The following MACROD2 variants were observed in gnomAD, a reference collection of about 807,000 sequenced individuals.
The protein encoded by MACROD2 is ADP-ribose glycohydrolase MACROD2.
MACROD2 carries 36 observed loss-of-function variants against 70.4 expected under a neutral mutation model. That is an observed-to-expected ratio of 0.51 (90% confidence interval 0.39 to 0.68). MACROD2 has a LOEUF of 0.68. MACROD2 is among the 30% of genes least tolerant of loss of function. The pLI is 0.00. For missense variants in MACROD2, 496 were observed against 538.4 expected (o/e 0.92, Z 0.78); for synonymous variants, 172 against 178.8 (o/e 0.96, Z 0.30).
At chr20:15,819,452 TATAA>T (rs2063915199) in intron 8 of MACROD2, among the ~76,000 whole-genome samples, 1 of 144,888 alleles carries the variant, frequency 6.9e-6, no homozygotes, top group African/African-American at 2.5e-5. Flanking sequence ...TATAAATATA[TATAA>T]ATATATAAGT....
At chr20:15,487,214 A>T (rs2047173874) in intron 7 of MACROD2, among the ~76,000 whole-genome samples, 2 of 152,212 alleles carry the variant, frequency 1.3e-5, no homozygotes, top group Admixed American at 6.5e-5. Flanking sequence ...GATGGCAAAG[A>T]TAAGCGAAGA....
At chr20:15,441,968 G>A (rs756103255) in intron 7 of MACROD2, among the ~76,000 whole-genome samples, 22 of 152,174 alleles carry the variant, frequency 1.4e-4, no homozygotes, top group Non-Finnish European at 2.5e-4. Context: ...CTATTAAGAA[G>A]CTCCTTCTAA....
At chr20:14,694,113 G>A (rs2071093427) in intron 5 of MACROD2, among the ~76,000 whole-genome samples, 1 of 151,962 alleles carries the variant, frequency 6.6e-6, no homozygotes, top group African/African-American at 2.4e-5. Flanking sequence ...TCAGATAATG[G>A]TAAGGGCTAT....
At chr20:14,103,595 T>TA (rs2054327248) in intron 3 of MACROD2, among the ~76,000 whole-genome samples, 1 of 152,214 alleles carries the variant, frequency 6.6e-6, no homozygotes, top group Non-Finnish European at 1.5e-5. Context: ...CTAATGTTTG[T>TA]AAGTATATAT....
intron 2 of MACROD2, among the ~76,000 whole-genome samples, chr20:14,084,022 A>C (rs1203169179): frequency 8.0e-6 from 1 of 125,038 alleles, no homozygotes; most frequent in Non-Finnish European, 1.6e-5. Context: ...AGATCGCGCC[A>C]CTGCACTCCA....
At chr20:14,573,427 A>G (rs1296801203) in intron 4 of MACROD2, among the ~76,000 whole-genome samples, 2 of 152,230 alleles carry the variant, frequency 1.3e-5, no homozygotes, top group African/African-American at 2.4e-5. Context: ...AAACAAAAAT[A>G]TAGAAAGAAC....
intron 3 of MACROD2, among the ~76,000 whole-genome samples, chr20:14,132,535 A>G (rs988678116): frequency 6.6e-6 from 1 of 152,236 alleles, no homozygotes; most frequent in Admixed American, 6.5e-5. Flanking sequence ...TGAAAGATAA[A>G]TTCCAACTAA....
intron 5 of MACROD2, among the ~76,000 whole-genome samples, chr20:14,803,844 G>A (rs546617131): frequency 6.6e-6 from 1 of 152,112 alleles, no homozygotes; most frequent in South Asian, 2.1e-4. Flanking sequence ...ACTTGGACAG[G>A]TAAATGGGCA....
intron 5 of MACROD2, among the ~76,000 whole-genome samples, chr20:15,196,042 G>A (rs151005043): frequency 1.1e-4 from 17 of 152,210 alleles, no homozygotes; most frequent in African/African-American, 4.1e-4. Context: ...AAAACACATG[G>A]ACACACGGGG....
chr20:15,788,684 G>C (rs146259134), intron 8 of MACROD2, among the ~76,000 whole-genome samples: 1 of 152,244 alleles, frequency 6.6e-6, no homozygotes, highest in Non-Finnish European at 1.5e-5. Flanking sequence ...CAGAATAAAT[G>C]TACGTTTTAA....
intron 8 of MACROD2, among the ~76,000 whole-genome samples, chr20:15,572,795 G>A (rs1402134391): frequency 1.3e-5 from 2 of 152,042 alleles, no homozygotes; most frequent in African/African-American, 4.8e-5. Flanking sequence ...TATGTTTTTA[G>A]TCAGCATATT....
At chr20:14,753,135 C>A (rs1045087809) in intron 5 of MACROD2, among the ~76,000 whole-genome samples, 1 of 152,102 alleles carries the variant, frequency 6.6e-6, no homozygotes, top group African/African-American at 2.4e-5. Flanking sequence ...CACCTCATTC[C>A]TGTGACAGAA....
chr20:14,730,662 C>A (rs931081200), intron 5 of MACROD2, among the ~76,000 whole-genome samples: 3 of 151,800 alleles, frequency 2.0e-5, no homozygotes, highest in African/African-American at 7.3e-5. Context: ...AAGGATGGCA[C>A]AAATATGAAA....
chr20:14,209,199 C>CATA (rs2081550470), intron 3 of MACROD2, among the ~76,000 whole-genome samples: 1 of 152,186 alleles, frequency 6.6e-6, no homozygotes, highest in Non-Finnish European at 1.5e-5. Context: ...AGCTTACTTG[C>CATA]ATAATCATTT....
intron 5 of MACROD2, among the ~76,000 whole-genome samples, chr20:14,914,916 C>T (rs1176585911): frequency 2.0e-5 from 3 of 152,056 alleles, no homozygotes; most frequent in Non-Finnish European, 4.4e-5. Flanking sequence ...CATATACATG[C>T]GACAGAGAAA....
At chr20:14,234,585 A>G (rs1361366200) in intron 3 of MACROD2, among the ~76,000 whole-genome samples, 2 of 152,120 alleles carry the variant, frequency 1.3e-5, no homozygotes, top group African/African-American at 2.4e-5. Flanking sequence ...TGCTTTTTCT[A>G]TCTTCTGTGC....
intron 3 of MACROD2, among the ~76,000 whole-genome samples, chr20:14,093,299 G>A (rs1211437405): frequency 1.3e-5 from 2 of 151,708 alleles, no homozygotes; most frequent in African/African-American, 2.4e-5. Flanking sequence ...GTTTCCTAGG[G>A]TGGTCTTGAA....
chr20:14,745,190 A>G (rs2071784110), intron 5 of MACROD2, among the ~76,000 whole-genome samples: 1 of 152,206 alleles, frequency 6.6e-6, no homozygotes, highest in South Asian at 2.1e-4. Flanking sequence ...TGTACTTTTC[A>G]GAACCAATTT....
chr20:15,893,688 G>A (rs910150089), intron 10 of MACROD2: 2 of 456,546 alleles, frequency 4.4e-6, no homozygotes, highest in Non-Finnish European at 8.8e-6. Flanking sequence ...AGACCCAGAA[G>A]CGATAGAGCA....
Sources: gnomAD v4.1 joint callset for allele counts (sites outside exome capture counted in the v4.1 genomes callset) on GRCh38, gnomAD v4.1.1 for gene constraint, MANE v1.5 for transcripts, NCBI Gene and HGNC (gene_info 2026-07-23, HGNC 2026-07-21) for gene names.